Variants in TENM3 observed in about 807,000 individuals in gnomAD.
TENM3 encodes teneurin-3.
TENM3 carries 63 observed loss-of-function variants against 255.1 expected under a neutral mutation model. The observed-to-expected ratio is 0.25, with a 90% confidence interval of 0.20 to 0.30. TENM3 has a LOEUF of 0.30. Ranked by LOEUF, TENM3 falls within the 10% of genes least tolerant of loss-of-function variation. TENM3 has a pLI of 1.00. For missense variants in TENM3, 2,929 were observed against 3,461.1 expected, an observed-to-expected ratio of 0.85 and a Z score of 3.86; for synonymous variants, 1,306 against 1,322.3, an observed-to-expected ratio of 0.99 and a Z score of 0.27.
At chr4:181,967,661 G>T in the TENM3 span, among the ~76,000 whole-genome samples, 4 of 152,088 alleles carry the variant, frequency 2.6e-5, no homozygotes, top group Non-Finnish European at 4.4e-5. Context: ...TTCCCAGGAG[G>T]AGTAAGAGGG....
intron 1 of TENM3, among the ~76,000 whole-genome samples, chr4:182,256,187 T>C (rs546480016): frequency 5.9e-5 from 9 of 152,318 alleles, no homozygotes; most frequent in African/African-American, 1.9e-4. Flanking sequence ...CCTAAAGTTA[T>C]AAGAATAAAA....
intron 6 of TENM3, among the ~76,000 whole-genome samples, chr4:182,662,492 G>C (rs1754307592): frequency 6.6e-6 from 1 of 152,150 alleles, no homozygotes; most frequent in Non-Finnish European, 1.5e-5. Flanking sequence ...AGGGCACTCT[G>C]TTGCCCTGTC....
At chr4:182,605,990 A>G (rs1179023789) in intron 4 of TENM3, among the ~76,000 whole-genome samples, 1 of 152,230 alleles carries the variant, frequency 6.6e-6, no homozygotes, top group South Asian at 2.1e-4. Context: ...CCTTAGATAA[A>G]TAAGAATAAG....
the TENM3 span, among the ~76,000 whole-genome samples, chr4:181,537,632 A>T: frequency 6.6e-6 from 1 of 152,216 alleles, no homozygotes; most frequent in Non-Finnish European, 1.5e-5. Context: ...ACTTAGTAAC[A>T]TACAACCTCC....
chr4:182,159,225 T>G (rs2149615230), intron 1 of TENM3, among the ~76,000 whole-genome samples: 1 of 152,336 alleles, frequency 6.6e-6, no homozygotes, highest in South Asian at 2.1e-4. Context: ...CGGCACCTTA[T>G]AATGAACGTC....
the TENM3 span, among the ~76,000 whole-genome samples, chr4:181,752,180 C>G: frequency 6.6e-6 from 1 of 152,184 alleles, no homozygotes; most frequent in African/African-American, 2.4e-5. Flanking sequence ...CACCCCAGCT[C>G]TGTAGAAAGG....
chr4:182,128,390 T>C, the TENM3 span, among the ~76,000 whole-genome samples: 8 of 152,042 alleles, frequency 5.3e-5, no homozygotes, highest in African/African-American at 9.7e-5. Context: ...GTTGCCCAGG[T>C]TGGTCTTTAA....
the TENM3 span, among the ~76,000 whole-genome samples, chr4:182,116,350 A>G: frequency 6.9e-6 from 1 of 145,896 alleles, no homozygotes; most frequent in Non-Finnish European, 1.5e-5. Flanking sequence ...GGCTTCTGAT[A>G]TGGTTTGGCT....
chr4:181,538,709 A>G, the TENM3 span, among the ~76,000 whole-genome samples: 403 of 152,286 alleles, frequency 2.6e-3, 1 homozygote, highest in African/African-American at 9.2e-3. Context: ...AGGTAATAAA[A>G]AATGCACTCA....
At chr4:182,448,069 T>G (rs1176535277) in intron 3 of TENM3, among the ~76,000 whole-genome samples, 1 of 152,218 alleles carries the variant, frequency 6.6e-6, no homozygotes, top group African/African-American at 2.4e-5. Context: ...CCAGCCCTGG[T>G]ATATCATGGA....
At chr4:182,592,402 C>G (rs767158079) in intron 3 of TENM3, among the ~76,000 whole-genome samples, 1 of 152,152 alleles carries the variant, frequency 6.6e-6, no homozygotes, top group Non-Finnish European at 1.5e-5. Flanking sequence ...GGAAGATCCA[C>G]CTGAGGCTCT....
At chr4:181,861,918 A>T in the TENM3 span, among the ~76,000 whole-genome samples, 5 of 152,200 alleles carry the variant, frequency 3.3e-5, no homozygotes, top group East Asian at 9.6e-4. Flanking sequence ...TCATTTGTGG[A>T]ATTTTGCCAC....
Position 182,800,111 on chromosome 4 carries a change from C to A in TENM3, c.7860C>A (p.Ile2620=), listed in dbSNP as rs545000047. ...GMTLDEEKAR[I]LEQARQRALA... is the part of the protein sequence containing the mutation. ...CCCTGGACGAGGAGAAGGCGCGCATCCTGGAGCAGGCGCGGCAGCGCGCGC... is the reference window on the plus strand; with the variant it reads ...CCCTGGACGAGGAGAAGGCGCGCATACTGGAGCAGGCGCGGCAGCGCGCGC... Residue 2620 remains isoleucine, a synonymous_variant, in exon 28 of 28, where the codon ATC becomes ATA. Transcript: ENST00000511685. The A allele has an allele frequency of 1.4e-5, 21 of 1,551,278 alleles. No individual in the cohort carries two copies. The Middle Eastern group carries it at 7.0e-4, about 52-fold the overall frequency.
the TENM3 span, among the ~76,000 whole-genome samples, chr4:182,109,690 G>A: frequency 1.3e-5 from 2 of 152,174 alleles, no homozygotes; most frequent in Non-Finnish European, 2.9e-5. Flanking sequence ...ACTGAGGTCC[G>A]AATTTCACTT....
At chr4:182,544,938 G>C (rs930316422) in intron 3 of TENM3, among the ~76,000 whole-genome samples, 2 of 152,186 alleles carry the variant, frequency 1.3e-5, no homozygotes, top group African/African-American at 4.8e-5. Flanking sequence ...AGTTAGGGTA[G>C]ATCAGGAACC....
At chr4:182,032,977 T>C in the TENM3 span, among the ~76,000 whole-genome samples, 2 of 150,274 alleles carry the variant, frequency 1.3e-5, no homozygotes, top group African/African-American at 4.8e-5. Context: ...ATTTTATTAA[T>C]TTTTTCAAAA....
upstream of TENM3, chr4:182,144,011 C>T (rs771030587): frequency 2.6e-5 from 4 of 152,622 alleles, no homozygotes; most frequent in Non-Finnish European, 4.4e-5. Context: ...CGGGGAATCT[C>T]TTTTTTTGAA....
intron 2 of TENM3, among the ~76,000 whole-genome samples, chr4:182,345,721 C>T (rs1764758396): frequency 1.3e-5 from 2 of 152,270 alleles, no homozygotes; most frequent in Admixed American, 1.3e-4. Flanking sequence ...TAACAGCAGT[C>T]ATTTTAAAGT....
At chr4:181,913,920 G>A in the TENM3 span, among the ~76,000 whole-genome samples, 60 of 152,308 alleles carry the variant, frequency 3.9e-4, no homozygotes, top group African/African-American at 1.4e-3. Flanking sequence ...TCACACTTGA[G>A]CTTAGCCAGG....
Sources: gnomAD v4.1 joint callset for allele counts (sites outside exome capture counted in the v4.1 genomes callset) on GRCh38, gnomAD v4.1.1 for gene constraint, MANE v1.5 for transcripts, NCBI Gene and HGNC (gene_info 2026-07-23, HGNC 2026-07-21) for gene names.